RHOU: variants seen among roughly 807,000 people sequenced by gnomAD.
The protein encoded by RHOU is ras homolog family member U, also known as rho-related GTP-binding protein RhoU.
A neutral mutation model predicts 12.6 loss-of-function variants in RHOU; 8 were observed. The observed-to-expected ratio is 0.64, with a 90% CI of 0.37 to 1.15. RHOU has a LOEUF of 1.15. Ranked by LOEUF, RHOU falls within the 50% of genes most tolerant of loss-of-function variation. The probability of loss-of-function intolerance (pLI) is 0.01; values close to 1 mark genes in which losing one functional copy is unlikely to be tolerated. For missense variants in RHOU, 258 were observed against 347.0 expected, an observed-to-expected ratio of 0.74 and a Z score of 2.04; for synonymous variants, 161 against 147.4, an observed-to-expected ratio of 1.09 and a Z score of -0.67.
chr1:228,683,879 G>A, the RHOU span, among the ~76,000 whole-genome samples: 1 of 152,234 alleles, frequency 6.6e-6, no homozygotes, highest in African/African-American at 2.4e-5. Flanking sequence ...ATGGGAGGGA[G>A]AGGGGTCAGG....
upstream of RHOU, among the ~76,000 whole-genome samples, chr1:228,732,616 C>T (rs114060434): frequency 0.019 from 2,923 of 152,016 alleles, 104 homozygotes; most frequent in African/African-American, 0.067. Context: ...CATTAGTTCC[C>T]GGCATTTTAG....
chr1:228,671,712 C>CAAAAAA, the RHOU span, among the ~76,000 whole-genome samples: 5 of 65,210 alleles, frequency 7.7e-5, no homozygotes, highest in Admixed American at 4.1e-4. Context: ...GACTCCATCT[C>CAAAAAA]AAAAAAAAAA....
chr1:228,728,364 G>A, the RHOU span, among the ~76,000 whole-genome samples: 1 of 152,098 alleles, frequency 6.6e-6, no homozygotes, highest in Non-Finnish European at 1.5e-5. Flanking sequence ...TATCTCTTGT[G>A]ATAATTCTGC....
the RHOU span, among the ~76,000 whole-genome samples, chr1:228,659,977 A>C: frequency 6.8e-3 from 1,026 of 151,434 alleles, 13 homozygotes; most frequent in African/African-American, 0.022. Flanking sequence ...AAAAAAAAAA[A>C]AAAACAAGAA....
the RHOU span, chr1:228,687,864 T>C: frequency 9.9e-7 from 1 of 1,008,306 alleles, no homozygotes; most frequent in Admixed American, 1.7e-5. Context: ...TGGGAGTGAC[T>C]TCCCTGGTCA....
chr1:228,743,569 G>A lies in RHOU; in HGVS notation c.606G>A (p.Glu202=), dbSNP rs748191090. The A allele has an allele frequency of 1.2e-6, 2 of 1,614,196 alleles. No individual in the cohort carries two copies. Among genetic ancestry groups the A allele is most frequent in the Non-Finnish European group, 8.5e-7 (1 of 1,180,038 alleles). Reference sequence around the variant, plus strand: ...AAATCAAAGCCGCCTCCTACATCGAGTGTTCAGCCTTGACTCAAAAAAACC... The same window carrying A: ...AAATCAAAGCCGCCTCCTACATCGAATGTTCAGCCTTGACTCAAAAAAACC... ...AEEIKAASYI[E]CSALTQKNLK... is the part of the protein sequence containing the mutation. The change falls in exon 3 of 3, where the codon GAG becomes GAA. Residue 202 remains glutamate (E), a synonymous_variant. Coordinates refer to ENST00000366691, the MANE Select transcript of RHOU (RefSeq NM_021205.6). This position sits in a 1 kb window ranked among gnomAD's most constrained non-coding sequence, Gnocchi z 5.1.
chr1:228,654,208 A>G, the RHOU span, among the ~76,000 whole-genome samples: 1 of 152,160 alleles, frequency 6.6e-6, no homozygotes, highest in East Asian at 1.9e-4. Flanking sequence ...CCTGGGTTCA[A>G]GTGATTCTCT....
rs984033553 is a variant in RHOU, at chr1:228,738,934, T to A, written c.321+1203T>A. Among the ~76,000 whole-genome samples, 26 of 151,678 alleles carry A rather than the reference T, an allele frequency of 1.7e-4. No individual in the cohort carries two copies. Among genetic ancestry groups the A allele is most frequent in the African/African-American group, 6.1e-4 (25 of 41,266 alleles). On this transcript the variant is annotated intron_variant, in intron 2 of 2. Transcript: ENST00000366691. This position sits in a 1 kb window ranked among gnomAD's most constrained non-coding sequence, Gnocchi z 4.2. ...GAATTTGAGACCAGCCTGGGTAGCA[T>A]AGCAAGACATCATCTCTACAAAATA...
At chr1:228,735,445 C>A (rs377167597), upstream of RHOU, 19 of 208,246 alleles carry the variant, frequency 9.1e-5, no homozygotes, top group East Asian at 1.9e-3. The surrounding 1 kb of genome is among the most constrained non-coding windows in gnomAD (Gnocchi z 8.1). Context: ...GCCCGCCCCC[C>A]ACGCGTCGTG....
At chr1:228,680,442 T>A in the RHOU span, among the ~76,000 whole-genome samples, 3 of 152,194 alleles carry the variant, frequency 2.0e-5, no homozygotes, top group Non-Finnish European at 2.9e-5. Context: ...CTCTGGGAGC[T>A]GTGGCTTGGA....
At chr1:228,742,111 C>A (rs1484137705) in intron 2 of RHOU, among the ~76,000 whole-genome samples, 3 of 152,140 alleles carry the variant, frequency 2.0e-5, no homozygotes, top group African/African-American at 7.2e-5. Flanking sequence ...TTTTTCTTGT[C>A]ATTGGGAAAT....
chr1:228,733,475 T>G (rs903014800), upstream of RHOU, among the ~76,000 whole-genome samples: 38 of 152,216 alleles, frequency 2.5e-4, no homozygotes, highest in African/African-American at 8.7e-4. Flanking sequence ...CCTGGCTAAT[T>G]TTTTTATTTT....
the RHOU span, among the ~76,000 whole-genome samples, chr1:228,713,665 T>C: frequency 6.6e-6 from 1 of 152,018 alleles, no homozygotes; most frequent in Non-Finnish European, 1.5e-5. Context: ...TGGAAAAACA[T>C]AAGTAAGTTC....
the RHOU span, among the ~76,000 whole-genome samples, chr1:228,704,647 G>A: frequency 3.5e-4 from 52 of 150,358 alleles, no homozygotes; most frequent in Non-Finnish European, 6.4e-4. Context: ...TTTAAGTAGC[G>A]ATGGGGTGTC....
At chr1:228,684,266 A>G in the RHOU span, among the ~76,000 whole-genome samples, 27 of 151,736 alleles carry the variant, frequency 1.8e-4, no homozygotes, top group East Asian at 3.9e-3. Flanking sequence ...TGAACTGCTG[A>G]CCTCAGGTGA....
chr1:228,675,019 G>C, the RHOU span, among the ~76,000 whole-genome samples: 1 of 151,938 alleles, frequency 6.6e-6, no homozygotes, highest in Non-Finnish European at 1.5e-5. Context: ...GTGAGCCACC[G>C]TGCCTGGCCT....
At chr1:228,651,149 C>G in the RHOU span, 1 of 208,232 alleles carries the variant, frequency 4.8e-6, no homozygotes, top group Non-Finnish European at 1.0e-5. Context: ...CTTCATGGGC[C>G]AGCTCCTGCG....
At chr1:228,704,901 C>T in the RHOU span, among the ~76,000 whole-genome samples, 1 of 151,006 alleles carries the variant, frequency 6.6e-6, no homozygotes, top group East Asian at 2.0e-4. Context: ...CTCCTGGGTT[C>T]GTGATTCTCC....
chr1:228,656,753 T>C, the RHOU span, among the ~76,000 whole-genome samples: 2 of 152,008 alleles, frequency 1.3e-5, no homozygotes, highest in Non-Finnish European at 2.9e-5. Context: ...CAACAGAAGA[T>C]GGTAATGCAG....
Sources: allele counts gnomAD v4.1 joint callset (sites outside exome capture counted in the v4.1 genomes callset), GRCh38; gene constraint gnomAD v4.1.1; non-coding constraint Gnocchi (gnomAD v3.1); transcripts MANE v1.5; gene names NCBI Gene and HGNC (gene_info 2026-07-23, HGNC 2026-07-21).